SLC22A25: variants seen among roughly 807,000 people sequenced by gnomAD.
SLC22A25 encodes MGI:2442751, MGI:2385316, MGI:3042283, MGI:3645714, MGI:3605624, MGI:2442750.
SLC22A25 carries 44 observed loss-of-function variants against 45.9 expected under a neutral mutation model. That is an observed-to-expected ratio of 0.96 (90% CI 0.75 to 1.23). The LOEUF (loss-of-function observed/expected upper bound fraction) is 1.23. SLC22A25 is among the 50% of genes most tolerant of loss of function. The probability of loss-of-function intolerance (pLI) is 0.00; values close to 1 mark genes in which losing one functional copy is unlikely to be tolerated. For synonymous variants in SLC22A25, 283 were observed against 238.6 expected, an observed-to-expected ratio of 1.19 and a Z score of -1.72; for missense variants, 800 against 666.4, an observed-to-expected ratio of 1.20 and a Z score of -2.21.
At chr11:63,235,973 C>T (rs2090155699) in intron 3 of SLC22A25, among the ~76,000 whole-genome samples, 1 of 152,166 alleles carries the variant, frequency 6.6e-6, no homozygotes. Context: ...TGGTGAACTG[C>T]AAATGCTGCT....
intron 9 of SLC22A25, among the ~76,000 whole-genome samples, chr11:63,179,881 C>T (rs558651279): frequency 5.9e-5 from 9 of 152,248 alleles, no homozygotes; most frequent in Admixed American, 3.9e-4. Flanking sequence ...CATCAGTGCT[C>T]TGAGTGAGGG....
intron 3 of SLC22A25, among the ~76,000 whole-genome samples, chr11:63,232,502 G>T (rs986915731): frequency 6.6e-6 from 1 of 152,186 alleles, no homozygotes; most frequent in African/African-American, 2.4e-5. Context: ...ATACTTTGCT[G>T]AAATTGGTTA....
intron 5 of SLC22A25, among the ~76,000 whole-genome samples, chr11:63,224,594 C>T (rs2089918691): frequency 6.6e-6 from 1 of 151,560 alleles, no homozygotes. Flanking sequence ...TTTTGTGTAT[C>T]CATTGTATGT....
intron 7 of SLC22A25, among the ~76,000 whole-genome samples, chr11:63,200,980 A>G (rs188508218): frequency 6.6e-6 from 1 of 152,336 alleles, no homozygotes; most frequent in African/African-American, 2.4e-5. Context: ...AAGGAGAACT[A>G]CAAACCACTG....
intron 1 of SLC22A25, among the ~76,000 whole-genome samples, chr11:63,241,503 C>T (rs1197667607): frequency 6.6e-6 from 1 of 152,164 alleles, no homozygotes; most frequent in Non-Finnish European, 1.5e-5. Flanking sequence ...TCCAATCTTT[C>T]TGTTTATAGG....
At chr11:63,196,052 C>T (rs920170497) in intron 7 of SLC22A25, among the ~76,000 whole-genome samples, 2 of 151,954 alleles carry the variant, frequency 1.3e-5, no homozygotes, top group Non-Finnish European at 2.9e-5. Flanking sequence ...GACTAAACCA[C>T]GAAGAAGCTG....
At chr11:63,186,989 G>A (rs979170091) in intron 7 of SLC22A25, among the ~76,000 whole-genome samples, 13 of 152,212 alleles carry the variant, frequency 8.5e-5, no homozygotes, top group Middle Eastern at 3.4e-3. Flanking sequence ...GGTGCCTCCC[G>A]CTTTGTTCTT....
At chr11:63,177,679 T>C (rs2134727150) in intron 9 of SLC22A25, among the ~76,000 whole-genome samples, 1 of 151,406 alleles carries the variant, frequency 6.6e-6, no homozygotes, top group East Asian at 1.9e-4. Flanking sequence ...GCCTGGATAA[T>C]TTAACTTAAA....
chr11:63,205,469 G>A (rs1413640751), intron 7 of SLC22A25, among the ~76,000 whole-genome samples: 2 of 152,088 alleles, frequency 1.3e-5, no homozygotes, highest in East Asian at 3.9e-4. Flanking sequence ...TGATAAAGGG[G>A]ATATCACTGC....
chr11:63,201,506 C>G (rs2089242849), intron 7 of SLC22A25, among the ~76,000 whole-genome samples: 1 of 152,162 alleles, frequency 6.6e-6, no homozygotes, highest in Non-Finnish European at 1.5e-5. Flanking sequence ...CAAAAATTAA[C>G]TCAATATAAA....
rs77209921 is a variant in SLC22A25, at chr11:63,186,329, G to T, written c.831-2512C>A. Among the ~76,000 whole-genome samples the T allele has an allele frequency of 9.6e-3, 1,455 of 151,456 alleles. 12 individuals are homozygous for T. Among genetic ancestry groups the T allele is most frequent in the Non-Finnish European group, 0.015 (1,044 of 67,806 alleles). On this transcript the variant is annotated intron_variant, in intron 7 of 11. Transcript: ENST00000306494. ...GCATTTTTTCCTGTGTCTTTTGGCT[G>T]CATAAATGTCTTCTTTTGAGAAGTG...
chr11:63,200,362 A>G (rs1487503773), intron 7 of SLC22A25, among the ~76,000 whole-genome samples: 1 of 150,510 alleles, frequency 6.6e-6, no homozygotes, highest in African/African-American at 2.4e-5. Context: ...TAAACAAATC[A>G]ATAAATTTGA....
In SLC22A25 at chr11:63,158,599, C is replaced by T. The variant is rs2087514249; in HGVS notation, c.*5225G>A. Among the ~76,000 whole-genome samples, 1 of 152,042 alleles carries T rather than the reference C, an allele frequency of 6.6e-6. No homozygotes were observed. Among genetic ancestry groups the T allele is most frequent in the Non-Finnish European group, 1.5e-5 (1 of 68,014 alleles). ...AGTCATTTATCCTTTGTGTTACAAACAATCCAGTTATACTCCTTTAGTTAT... is the reference window on the plus strand; with the variant it reads ...AGTCATTTATCCTTTGTGTTACAAATAATCCAGTTATACTCCTTTAGTTAT... On this transcript the variant is annotated 3_prime_UTR_variant, in exon 12 of 12. Coordinates refer to ENST00000306494, the MANE Select transcript of SLC22A25 (RefSeq NM_199352.6).
chr11:63,203,884 A>T (rs926967406), intron 7 of SLC22A25, among the ~76,000 whole-genome samples: 13 of 152,204 alleles, frequency 8.5e-5, no homozygotes, highest in Non-Finnish European at 1.8e-4. Context: ...AAATGACAGA[A>T]AAAATGTTAG....
At chr11:63,166,945 G>T (rs1025680438) in intron 9 of SLC22A25, 1 of 785,412 alleles carries the variant, frequency 1.3e-6, no homozygotes, top group Non-Finnish European at 1.5e-6. Context: ...AATGCGGAAG[G>T]TGAGTGATTT....
chr11:63,166,374 G>T, intron 9 of SLC22A25, 116 bp from the exon 10 acceptor site: 1 of 1,460,204 alleles, frequency 6.8e-7, no homozygotes, highest in Non-Finnish European at 9.0e-7. Context: ...GGCAGAGTGT[G>T]TTTTGTGGAA....
In SLC22A25 at chr11:63,228,458, C is replaced by T. The variant is rs1487327920; in HGVS notation, c.506+3G>A. 4 of 1,590,936 alleles carry T rather than the reference C, an allele frequency of 2.5e-6. No homozygotes were observed. The highest frequency in any genetic ancestry group is 1.7e-5 in the Admixed American group (1 of 59,806). ...AAGAGAGCTATGCTCCATAGACACT[C>T]ACCTGTCTGACAAATGGCCATATAG... On this transcript the variant is annotated splice_donor_region_variant and intron_variant, in intron 5 of 11. Transcript: ENST00000306494.
At chr11:63,235,890 G>C (rs1208583287) in intron 3 of SLC22A25, among the ~76,000 whole-genome samples, 1 of 152,194 alleles carries the variant, frequency 6.6e-6, no homozygotes, top group Non-Finnish European at 1.5e-5. Context: ...AGGTCTGTGG[G>C]AGTTTACTGG....
At chr11:63,226,285 T>C (rs1040551553) in intron 5 of SLC22A25, among the ~76,000 whole-genome samples, 1 of 152,112 alleles carries the variant, frequency 6.6e-6, no homozygotes, top group South Asian at 2.1e-4. Flanking sequence ...TCGTCCTTCT[T>C]GGGTAGACTT....
Sources: gnomAD v4.1 joint callset for allele counts (sites outside exome capture counted in the v4.1 genomes callset) on GRCh38, gnomAD v4.1.1 for gene constraint, MANE v1.5 for transcripts, NCBI Gene and HGNC (gene_info 2026-07-23, HGNC 2026-07-21) for gene names.